KIRREL1: variants seen among roughly 807,000 people sequenced by gnomAD.
KIRREL1 encodes the protein kin of IRRE-like protein 1.
KIRREL1 carries 25 observed loss-of-function variants against 83.3 expected under a neutral mutation model. The observed-to-expected ratio is 0.30, with a 90% confidence interval of 0.22 to 0.42. The LOEUF (loss-of-function observed/expected upper bound fraction) is 0.42, where lower values mean the gene tolerates loss of function less well. KIRREL1 is among the 10% of genes least tolerant of loss of function. The pLI is 1.00. For missense variants in KIRREL1, 812 were observed against 1,032.3 expected, an observed-to-expected ratio of 0.79 and a Z score of 2.92; for synonymous variants, 388 against 410.4, an observed-to-expected ratio of 0.95 and a Z score of 0.66.
At chr1:158,011,566 G>A (rs1224072961) in intron 1 of KIRREL1, among the ~76,000 whole-genome samples, 1 of 152,198 alleles carries the variant, frequency 6.6e-6, no homozygotes, top group African/African-American at 2.4e-5. Flanking sequence ...TGAGGCCTAG[G>A]GGAAGTAGAG....
chr1:158,043,984 T>C (rs1448468711), intron 1 of KIRREL1, among the ~76,000 whole-genome samples: 1 of 152,228 alleles, frequency 6.6e-6, no homozygotes, highest in Non-Finnish European at 1.5e-5. Flanking sequence ...GGTATCTTAA[T>C]GGTAGATGTT....
At chr1:158,078,220 T>A in intron 3 of KIRREL1, 80 bp downstream of exon 3, 6 of 1,435,396 alleles carry the variant, frequency 4.2e-6, no homozygotes, top group Non-Finnish European at 5.8e-6. Flanking sequence ...TCCAGTTCCC[T>A]CTTTAATTTC....
chr1:158,066,108 T>A (rs1451284555), intron 1 of KIRREL1, among the ~76,000 whole-genome samples: 2 of 152,102 alleles, frequency 1.3e-5, no homozygotes, highest in African/African-American at 2.4e-5. Context: ...CTTTGGGATG[T>A]GCCCTGCCTC....
At chr1:158,043,217 G>A (rs774208050) in intron 1 of KIRREL1, among the ~76,000 whole-genome samples, 9 of 152,190 alleles carry the variant, frequency 5.9e-5, no homozygotes, top group Non-Finnish European at 1.0e-4. Context: ...GATCCACACT[G>A]GGAGAGGCTA....
chr1:158,035,669 G>A (rs1660456042), intron 1 of KIRREL1, among the ~76,000 whole-genome samples: 1 of 152,156 alleles, frequency 6.6e-6, no homozygotes, highest in Non-Finnish European at 1.5e-5. Flanking sequence ...TCAAACCCAG[G>A]CCTGTCTGAC....
intron 1 of KIRREL1, among the ~76,000 whole-genome samples, chr1:158,067,507 G>A (rs1464408324): frequency 6.6e-6 from 1 of 152,208 alleles, no homozygotes; most frequent in African/African-American, 2.4e-5. Flanking sequence ...CGAGGCCCCA[G>A]GTCAGCAGGA....
chr1:158,000,128 T>G (rs2101619725), intron 1 of KIRREL1, among the ~76,000 whole-genome samples: 1 of 152,324 alleles, frequency 6.6e-6, no homozygotes, highest in East Asian at 1.9e-4. Flanking sequence ...GCATTACTGC[T>G]GCATGCAAGC....
At chr1:158,067,100 A>G (rs181617107) in intron 1 of KIRREL1, among the ~76,000 whole-genome samples, 6 of 152,278 alleles carry the variant, frequency 3.9e-5, no homozygotes, top group Admixed American at 3.9e-4. Context: ...GGAGGTTCAA[A>G]TGGGGCAGGT....
chr1:158,085,480 T>C (rs529909006), intron 4 of KIRREL1, among the ~76,000 whole-genome samples: 1 of 152,364 alleles, frequency 6.6e-6, no homozygotes, highest in South Asian at 2.1e-4. Flanking sequence ...TACTTAACCT[T>C]TTCACAACCA....
intron 1 of KIRREL1, among the ~76,000 whole-genome samples, chr1:158,002,180 A>G (rs185490461): frequency 9.2e-5 from 14 of 152,350 alleles, no homozygotes; most frequent in East Asian, 3.9e-4. Flanking sequence ...AGAATACTTC[A>G]GTATAAGATA....
intron 1 of KIRREL1, among the ~76,000 whole-genome samples, chr1:158,012,194 G>A (rs906002866): frequency 1.3e-5 from 2 of 152,090 alleles, no homozygotes; most frequent in African/African-American, 4.8e-5. Flanking sequence ...TCGTCTTATT[G>A]GACTGCTTTC....
chr1:158,034,734 C>T (rs186982575), intron 1 of KIRREL1, among the ~76,000 whole-genome samples: 12 of 152,260 alleles, frequency 7.9e-5, no homozygotes, highest in Non-Finnish European at 1.0e-4. Context: ...CTAATTCCAT[C>T]TTAGCGCAGT....
chr1:158,083,803 C>G (rs953694807), intron 3 of KIRREL1, among the ~76,000 whole-genome samples: 1 of 152,134 alleles, frequency 6.6e-6, no homozygotes, highest in African/African-American at 2.4e-5. Context: ...TTTGAGGCTT[C>G]CATCTGTAGT....
At chr1:158,067,497 C>T (rs573322240) in intron 1 of KIRREL1, among the ~76,000 whole-genome samples, 10 of 152,300 alleles carry the variant, frequency 6.6e-5, no homozygotes, top group Non-Finnish European at 1.0e-4. Context: ...AAGGTTTGAC[C>T]GAGGCCCCAG....
chr1:158,033,130 G>T (rs951451373), intron 1 of KIRREL1, among the ~76,000 whole-genome samples: 6 of 152,094 alleles, frequency 3.9e-5, no homozygotes, highest in Non-Finnish European at 8.8e-5. Flanking sequence ...AGGCTGGAGT[G>T]CAATGGCGCG....
intron 3 of KIRREL1, among the ~76,000 whole-genome samples, chr1:158,081,004 C>T (rs921648786): frequency 1.0e-5 from 1 of 100,128 alleles, no homozygotes; most frequent in African/African-American, 3.4e-5. Context: ...AGACTCCTCT[C>T]CTCCCCAGCC....
chr1:158,059,525 A>T (rs1661154796), intron 1 of KIRREL1, among the ~76,000 whole-genome samples: 1 of 152,144 alleles, frequency 6.6e-6, no homozygotes, highest in Non-Finnish European at 1.5e-5. Flanking sequence ...GCCTAGATGA[A>T]TTCTAACTGA....
intron 1 of KIRREL1, among the ~76,000 whole-genome samples, chr1:158,018,278 C>T (rs1387647099): frequency 6.6e-6 from 1 of 152,118 alleles, no homozygotes; most frequent in African/African-American, 2.4e-5. Flanking sequence ...TGGTGTGCCG[C>T]ACCACACCAC....
chr1:158,021,591 G>A (rs781651116), intron 1 of KIRREL1, among the ~76,000 whole-genome samples: 19 of 152,166 alleles, frequency 1.2e-4, no homozygotes, highest in Non-Finnish European at 2.5e-4. Flanking sequence ...GTCTGTAATT[G>A]AGGTTAAGAA....
Sources: gnomAD v4.1 joint callset for allele counts (sites outside exome capture counted in the v4.1 genomes callset) on GRCh38, gnomAD v4.1.1 for gene constraint, MANE v1.5 for transcripts, NCBI Gene and HGNC (gene_info 2026-07-23, HGNC 2026-07-21) for gene names.